TRIT1: variants seen among roughly 807,000 people sequenced by gnomAD.
TRIT1 encodes the protein tRNA isopentenyltransferase 1.
A neutral mutation model predicts 51.2 loss-of-function variants in TRIT1; 43 were observed. The ratio of observed to expected loss-of-function variants is 0.84; its 90% confidence interval spans 0.66 to 1.08. The LOEUF (loss-of-function observed/expected upper bound fraction) is 1.08, where lower values mean the gene tolerates loss of function less well. Among genes scored for constraint, TRIT1 ranks in the 50% least tolerant of loss-of-function variants. The probability of loss-of-function intolerance (pLI) is 0.00; values close to 1 mark genes in which losing one functional copy is unlikely to be tolerated. For synonymous variants in TRIT1, 184 were observed against 203.9 expected, an observed-to-expected ratio of 0.90 and a Z score of 0.83; for missense variants, 528 against 578.4, an observed-to-expected ratio of 0.91 and a Z score of 0.89.
chr1:39,855,280 A>G (rs1435055991), intron 2 of TRIT1, among the ~76,000 whole-genome samples: 1 of 152,214 alleles, frequency 6.6e-6, no homozygotes, highest in African/African-American at 2.4e-5. Context: ...CTAACCCTTA[A>G]GCGGCTAAGG....
Position 39,840,710 on chromosome 1 carries a change from C to T in TRIT1, c.*1034G>A, listed in dbSNP as rs1652522096. ...AAAAACGTTTTGGAAATAGTGGCAA[C>T]GATTGCACAACATTGTGAATGTAGT... On this transcript the variant is annotated 3_prime_UTR_variant, in exon 11 of 11. Coordinates refer to ENST00000316891, the MANE Select transcript of TRIT1 (RefSeq NM_017646.6). Among the ~76,000 whole-genome samples, 2 of 152,158 alleles carry T rather than the reference C, an allele frequency of 1.3e-5. No individual in the cohort carries two copies. Among genetic ancestry groups the T allele is most frequent in the South Asian group, 4.1e-4 (2 of 4,834 alleles).
intron 1 of TRIT1, chr1:39,881,454 C>T (rs1358626503): frequency 1.3e-5 from 2 of 152,128 alleles, no homozygotes; most frequent in East Asian, 3.8e-4. Flanking sequence ...TCATGTTGCT[C>T]ATCTCACATT....
chr1:39,846,857 C>G (rs576280527), intron 8 of TRIT1, among the ~76,000 whole-genome samples: 57 of 152,264 alleles, frequency 3.7e-4, no homozygotes, highest in Admixed American at 3.1e-3. Context: ...CCCAAAAACA[C>G]TGTAATTAGG....
chr1:39,878,216 GCAGTACCTT>G (rs1217724450), intron 1 of TRIT1, among the ~76,000 whole-genome samples: 1 of 152,174 alleles, frequency 6.6e-6, no homozygotes, highest in Non-Finnish European at 1.5e-5. Context: ...AAGAGGACAG[GCAGTACCTT>G]CAGATGCTAG....
chr1:39,847,146 T>C, intron 8 of TRIT1, 74 bp downstream of exon 8: 1 of 1,260,590 alleles, frequency 7.9e-7, no homozygotes, highest in Non-Finnish European at 1.1e-6. Flanking sequence ...TAAAATTCAT[T>C]TTCTGGGTGA....
chr1:39,844,381 A>T, intron 9 of TRIT1, 150 bp downstream of exon 9: 2 of 819,478 alleles, frequency 2.4e-6, no homozygotes, highest in Non-Finnish European at 2.0e-6. Flanking sequence ...TAAAAGTAGA[A>T]AAGCAGTCTC....
Position 39,839,455 on chromosome 1 carries a change from C to T in TRIT1, c.*2289G>A, listed in dbSNP as rs531369885. Among the ~76,000 whole-genome samples, 2 of 152,280 alleles carry T rather than the reference C, an allele frequency of 1.3e-5. No homozygotes were observed. Among genetic ancestry groups the T allele is most frequent in the South Asian group, 4.1e-4 (2 of 4,820 alleles). ...GAGATAAAGAATTCTTTCATCTCTACATTTACGACCACCACAAGACAAATT... is the reference window on the plus strand; with the variant it reads ...GAGATAAAGAATTCTTTCATCTCTATATTTACGACCACCACAAGACAAATT... On this transcript the variant is annotated 3_prime_UTR_variant, in exon 11 of 11. Transcript: ENST00000316891.
intron 1 of TRIT1, among the ~76,000 whole-genome samples, chr1:39,866,900 G>A (rs984675253): frequency 6.6e-6 from 1 of 152,324 alleles, no homozygotes; most frequent in African/African-American, 2.4e-5. Context: ...ACTGAGGTGG[G>A]AGGACTGCTT....
rs888036473 is a variant in TRIT1 at position 39,838,766 on chromosome 1, G to A, written c.*2978C>T. ...TCCTTCTGCCTCAGTTACCCAAAGC[G>A]TTGGGATTACAGGCGTGAGCCACCA... On this transcript the variant is annotated 3_prime_UTR_variant, in exon 11 of 11. Transcript: ENST00000316891. Among the ~76,000 whole-genome samples the A allele has an allele frequency of 1.3e-5, 2 of 152,144 alleles. No individual in the cohort carries two copies. The highest frequency in any genetic ancestry group is 4.8e-5 in the African/African-American group (2 of 41,420).
chr1:39,868,522 T>TA (rs1019845803), intron 1 of TRIT1, among the ~76,000 whole-genome samples: 2 of 151,574 alleles, frequency 1.3e-5, no homozygotes, highest in African/African-American at 4.9e-5. Context: ...CAAGCACCTA[T>TA]AATCCCAGCT....
chr1:39,871,416 C>CA (rs765465677), intron 1 of TRIT1, among the ~76,000 whole-genome samples: 1 of 152,096 alleles, frequency 6.6e-6, no homozygotes, highest in Non-Finnish European at 1.5e-5. Context: ...ACCGTCTCTA[C>CA]AAAAAATACA....
intron 10 of TRIT1, among the ~76,000 whole-genome samples, chr1:39,843,069 C>T (rs2124571099): frequency 6.6e-6 from 1 of 152,342 alleles, no homozygotes; most frequent in Admixed American, 6.5e-5. Flanking sequence ...ATCAGACACT[C>T]TCTTTCTCTT....
intron 1 of TRIT1, among the ~76,000 whole-genome samples, chr1:39,869,228 G>A (rs930059823): frequency 6.6e-6 from 1 of 152,154 alleles, no homozygotes; most frequent in African/African-American, 2.4e-5. Context: ...TCAGCCTGCC[G>A]AGTGCCTGGG....
intron 9 of TRIT1, 71 bp from the exon 10 acceptor site, chr1:39,844,289 T>C (rs1642096407): frequency 1.5e-6 from 2 of 1,332,690 alleles, no homozygotes; most frequent in African/African-American, 1.5e-5. Context: ...TTAAGGGAAA[T>C]GGGATTTTCC....
Position 39,848,053 on chromosome 1 carries a change from C to A in TRIT1, c.748G>T (p.Ala250Ser), listed in dbSNP as rs539069256. The change falls in exon 6 of 11, where the codon GCT (alanine) becomes TCT (serine). Residue 250 changes from alanine to serine, a missense_variant. Coordinates refer to ENST00000316891, the MANE Select transcript of TRIT1 (RefSeq NM_017646.6). ...LDKRVDDMLA[A>S]GLLEELRDFH... ...TCTCTTAGTTCCTCCAAGAGCCCAG[C>A]AGCAAGCATGTCATCCACCCTCTTA... 1 of 1,614,148 alleles carries A rather than the reference C, an allele frequency of 6.2e-7. No homozygotes were observed. The highest frequency in any genetic ancestry group is 8.5e-7 in the Non-Finnish European group (1 of 1,180,020).
At chr1:39,854,893 G>C (rs1642805328) in intron 2 of TRIT1, among the ~76,000 whole-genome samples, 1 of 151,892 alleles carries the variant, frequency 6.6e-6, no homozygotes, top group Non-Finnish European at 1.5e-5. Flanking sequence ...CAAGACTGGA[G>C]TGTAGTGGCG....
chr1:39,870,740 G>A (rs1277192366), intron 1 of TRIT1, among the ~76,000 whole-genome samples: 2 of 152,086 alleles, frequency 1.3e-5, no homozygotes, highest in Admixed American at 1.3e-4. Context: ...AAACAGTTTG[G>A]TAGTCTCCTG....
rs60513884 is a variant in TRIT1, at chr1:39,876,556, C to CTATA, written c.174+6758_174+6761dup. Reference sequence around the variant, plus strand: ...TCTATCTATCTATCTATCTATCTATCTATATATATATATGAATGATGAGTC... The same window carrying CTATA: ...TCTATCTATCTATCTATCTATCTATCTATATATATATATATATGAATGATGAGTC... On this transcript the variant is annotated intron_variant, in intron 1 of 10. Transcript: ENST00000316891. 1.8e-3 allele frequency among the ~76,000 whole-genome samples: 254 copies of CTATA among 141,408 alleles called. 1 individual carries two copies. The highest frequency in any genetic ancestry group is 7.1e-3 in the African/African-American group (238 of 33,620). 92.8% of individuals were successfully genotyped at this position (141,408 alleles called of 152,430 possible).
intron 8 of TRIT1, among the ~76,000 whole-genome samples, chr1:39,845,565 G>A (rs1322497447): frequency 6.6e-6 from 1 of 152,226 alleles, no homozygotes; most frequent in Non-Finnish European, 1.5e-5. Flanking sequence ...GCTACCACAG[G>A]AAAGGTGAGA....
Sources: allele counts gnomAD v4.1 joint callset (sites outside exome capture counted in the v4.1 genomes callset), GRCh38; gene constraint gnomAD v4.1.1; transcripts MANE v1.5; gene names NCBI Gene and HGNC (gene_info 2026-07-23, HGNC 2026-07-21).